Variants in NKAIN3 observed in about 807,000 individuals in gnomAD.
NKAIN3 encodes the protein sodium/potassium transporting ATPase interacting 3.
In NKAIN3, 25 loss-of-function variants were observed where a neutral mutation model predicts 30.2. The observed-to-expected ratio is 0.83, with a 90% confidence interval of 0.60 to 1.16. The LOEUF (loss-of-function observed/expected upper bound fraction) is 1.16, where lower values mean the gene tolerates loss of function less well. Among genes scored for constraint, NKAIN3 ranks in the 50% most tolerant of loss-of-function variants. The probability of loss-of-function intolerance (pLI) is 0.00; values close to 1 mark genes in which losing one functional copy is unlikely to be tolerated. For synonymous variants in NKAIN3, 91 were observed against 89.6 expected (o/e 1.02, Z -0.09); for missense variants, 225 against 254.1 (o/e 0.89, Z 0.78).
At chr8:62,962,369 C>T (rs1823592259) in intron 6 of NKAIN3, among the ~76,000 whole-genome samples, 1 of 152,004 alleles carries the variant, frequency 6.6e-6, no homozygotes, top group African/African-American at 2.4e-5. Context: ...TTCAACAAAC[C>T]AATTGTAATG....
intron 1 of NKAIN3, among the ~76,000 whole-genome samples, chr8:62,334,644 C>T (rs1782444393): frequency 6.6e-6 from 1 of 152,052 alleles, no homozygotes; most frequent in Non-Finnish European, 1.5e-5. Context: ...TCTATTGCTA[C>T]ATAACAAATC....
At chr8:62,355,583 A>G (rs888184590) in intron 1 of NKAIN3, among the ~76,000 whole-genome samples, 5 of 152,190 alleles carry the variant, frequency 3.3e-5, no homozygotes, top group African/African-American at 1.2e-4. Flanking sequence ...TCACCAGTCT[A>G]AATGTACAAA....
At chr8:62,851,384 C>T (rs1819891629) in intron 4 of NKAIN3, among the ~76,000 whole-genome samples, 1 of 152,138 alleles carries the variant, frequency 6.6e-6, no homozygotes, top group Non-Finnish European at 1.5e-5. Context: ...TCTAGATATA[C>T]AATCATGTCC....
At chr8:62,754,493 A>G (rs1352312927) in intron 4 of NKAIN3, among the ~76,000 whole-genome samples, 1 of 152,102 alleles carries the variant, frequency 6.6e-6, no homozygotes, top group East Asian at 1.9e-4. Context: ...TTTGCAGCTA[A>G]TTTTACACAT....
intron 3 of NKAIN3, among the ~76,000 whole-genome samples, chr8:62,670,879 GCACACACACACACACACACACA>G (rs57917158): frequency 7.0e-6 from 1 of 141,986 alleles, no homozygotes; most frequent in African/African-American, 2.6e-5. Context: ...ACACATACAA[GCACACACACACACACACACACA>G]CACACACACA....
chr8:62,523,300 G>A (rs1251190932), intron 1 of NKAIN3, among the ~76,000 whole-genome samples: 1 of 152,076 alleles, frequency 6.6e-6, no homozygotes, highest in African/African-American at 2.4e-5. Context: ...ACTCTGTGAT[G>A]TCCTTACAGC....
intron 1 of NKAIN3, among the ~76,000 whole-genome samples, chr8:62,315,628 A>G (rs1049330466): frequency 2.6e-5 from 4 of 152,192 alleles, no homozygotes; most frequent in African/African-American, 4.8e-5. Context: ...CTAGTGCACC[A>G]ATGTAGTGTA....
At chr8:62,781,744 T>G (rs936448757) in intron 4 of NKAIN3, among the ~76,000 whole-genome samples, 1 of 151,824 alleles carries the variant, frequency 6.6e-6, no homozygotes, top group African/African-American at 2.4e-5. Flanking sequence ...TGGATCCCTA[T>G]CTCTCACCAT....
chr8:62,590,600 C>G (rs1213914398), intron 3 of NKAIN3, among the ~76,000 whole-genome samples: 1 of 151,838 alleles, frequency 6.6e-6, no homozygotes, highest in Non-Finnish European at 1.5e-5. Flanking sequence ...TATATTTATA[C>G]TAACTTATTC....
At chr8:62,783,592 A>G (rs1247146171) in intron 4 of NKAIN3, among the ~76,000 whole-genome samples, 1 of 147,342 alleles carries the variant, frequency 6.8e-6, no homozygotes, top group Non-Finnish European at 1.5e-5. Context: ...AACAGCAGAA[A>G]CAGCAGAATA....
intron 4 of NKAIN3, among the ~76,000 whole-genome samples, chr8:62,811,391 T>C (rs1332069810): frequency 2.0e-5 from 3 of 152,208 alleles, no homozygotes; most frequent in African/African-American, 4.8e-5. Flanking sequence ...TGCTTAAAAG[T>C]GTAATTTCTG....
chr8:62,819,982 T>C (rs371413799), intron 4 of NKAIN3, among the ~76,000 whole-genome samples: 11 of 152,100 alleles, frequency 7.2e-5, no homozygotes, highest in African/African-American at 2.7e-4. Flanking sequence ...CAGCAAATTT[T>C]TTAACAAAAA....
At chr8:62,923,154 C>T (rs183019786) in intron 5 of NKAIN3, among the ~76,000 whole-genome samples, 10 of 151,810 alleles carry the variant, frequency 6.6e-5, no homozygotes, top group East Asian at 3.9e-4. Context: ...AAAACATAGC[C>T]GGGTGTGGTG....
intron 3 of NKAIN3, among the ~76,000 whole-genome samples, chr8:62,620,572 AGT>A (rs1811592163): frequency 6.6e-6 from 1 of 152,172 alleles, no homozygotes. Context: ...AAAAGAGGCA[AGT>A]GCATTTGTCT....
At chr8:62,477,506 G>A (rs953456517) in intron 1 of NKAIN3, among the ~76,000 whole-genome samples, 5 of 152,088 alleles carry the variant, frequency 3.3e-5, no homozygotes, top group Non-Finnish European at 4.4e-5. Flanking sequence ...CTCAGAGTCC[G>A]GGAAACTATT....
chr8:62,508,937 A>T (rs1253038298), intron 1 of NKAIN3, among the ~76,000 whole-genome samples: 1 of 152,180 alleles, frequency 6.6e-6, no homozygotes, highest in Non-Finnish European at 1.5e-5. Context: ...TTTCTAAAAC[A>T]GTGTCTTTTG....
At chr8:62,260,197 A>G (rs924696619) in intron 1 of NKAIN3, among the ~76,000 whole-genome samples, 30 of 152,204 alleles carry the variant, frequency 2.0e-4, no homozygotes, top group African/African-American at 7.2e-4. Flanking sequence ...ATAATTTGGT[A>G]TTGATTAATA....
At chr8:62,931,423 A>G (rs1275859308) in intron 5 of NKAIN3, among the ~76,000 whole-genome samples, 2 of 152,226 alleles carry the variant, frequency 1.3e-5, no homozygotes, top group African/African-American at 2.4e-5. Flanking sequence ...GCAGACACAG[A>G]TTATCCCAAT....
intron 1 of NKAIN3, among the ~76,000 whole-genome samples, chr8:62,370,860 C>T (rs1816885514): frequency 6.6e-6 from 1 of 151,962 alleles, no homozygotes; most frequent in African/African-American, 2.4e-5. Context: ...GTCCAGCTAC[C>T]TTAGACGTGG....
Sources: gnomAD v4.1 joint callset for allele counts (sites outside exome capture counted in the v4.1 genomes callset) on GRCh38, gnomAD v4.1.1 for gene constraint, MANE v1.5 for transcripts, NCBI Gene and HGNC (gene_info 2026-07-23, HGNC 2026-07-21) for gene names.